ARHGAP22: variants seen among roughly 807,000 people sequenced by gnomAD.
The protein encoded by ARHGAP22 is rho GTPase-activating protein 22.
ARHGAP22 carries 48 observed loss-of-function variants against 59.1 expected under a neutral mutation model. That is an observed-to-expected ratio of 0.81 (90% CI 0.64 to 1.03). The LOEUF (loss-of-function observed/expected upper bound fraction) is 1.03, where lower values mean the gene tolerates loss of function less well. Ranked by LOEUF, ARHGAP22 falls within the 50% of genes least tolerant of loss-of-function variation. The probability of loss-of-function intolerance (pLI) is 0.00; values close to 1 mark genes in which losing one functional copy is unlikely to be tolerated. For synonymous variants in ARHGAP22, 445 were observed against 416.4 expected (o/e 1.07, Z -0.84); for missense variants, 1,015 against 958.7 (o/e 1.06, Z -0.78).
intron 2 of ARHGAP22, among the ~76,000 whole-genome samples, chr10:48,570,873 A>G (rs1409730538): frequency 2.0e-5 from 3 of 152,206 alleles, no homozygotes; most frequent in Non-Finnish European, 4.4e-5. Flanking sequence ...AACGCTCTGC[A>G]CGAAACGGCC....
intron 1 of ARHGAP22, among the ~76,000 whole-genome samples, chr10:48,631,623 A>G (rs897144624): frequency 1.2e-4 from 19 of 152,240 alleles, no homozygotes; most frequent in Non-Finnish European, 2.2e-4. Flanking sequence ...TACTTAAAAA[A>G]TAGTACAGGT....
intron 1 of ARHGAP22, among the ~76,000 whole-genome samples, chr10:48,650,146 C>CT (rs11386532): frequency 0.69 from 56,510 of 82,374 alleles, 20,494 homozygotes; most frequent in East Asian, 0.78. Flanking sequence ...GCTGGAGACT[C>CT]TTTTTTTTTT....
intron 1 of ARHGAP22, among the ~76,000 whole-genome samples, chr10:48,641,102 A>G (rs1437299318): frequency 6.6e-6 from 1 of 152,176 alleles, no homozygotes; most frequent in East Asian, 1.9e-4. Flanking sequence ...CAACACAAAA[A>G]ATACAGTAAA....
intron 2 of ARHGAP22, among the ~76,000 whole-genome samples, chr10:48,567,594 A>C (rs986394785): frequency 3.3e-5 from 5 of 152,210 alleles, no homozygotes; most frequent in Admixed American, 2.0e-4. Flanking sequence ...TAGTGTCATC[A>C]AATCTCCATG....
chr10:48,466,917 A>C (rs946931092), intron 4 of ARHGAP22, among the ~76,000 whole-genome samples: 3 of 152,170 alleles, frequency 2.0e-5, no homozygotes, highest in Admixed American at 2.0e-4. Context: ...CACCGCAGGA[A>C]TCCCTTCCCT....
At chr10:48,574,178 G>T (rs1384654174) in intron 2 of ARHGAP22, among the ~76,000 whole-genome samples, 5 of 152,158 alleles carry the variant, frequency 3.3e-5, no homozygotes, top group African/African-American at 1.2e-4. Flanking sequence ...TTCCATTGAG[G>T]ATCTAATACA....
chr10:48,456,273 G>A (rs2046495158), intron 5 of ARHGAP22, among the ~76,000 whole-genome samples: 1 of 152,200 alleles, frequency 6.6e-6, no homozygotes, highest in African/African-American at 2.4e-5. Context: ...TAGGCTCACT[G>A]AGATAAATAC....
At chr10:48,497,174 G>A (rs2051027787) in intron 3 of ARHGAP22, among the ~76,000 whole-genome samples, 1 of 152,136 alleles carries the variant, frequency 6.6e-6, no homozygotes, top group Non-Finnish European at 1.5e-5. Flanking sequence ...ACAGGGCTAG[G>A]GTCTCCCATG....
At chr10:48,622,351 T>C (rs950793016) in intron 1 of ARHGAP22, among the ~76,000 whole-genome samples, 1 of 152,232 alleles carries the variant, frequency 6.6e-6, no homozygotes, top group Non-Finnish European at 1.5e-5. Context: ...TTCTTTTGTT[T>C]GGTTGGGTTT....
intron 3 of ARHGAP22, among the ~76,000 whole-genome samples, chr10:48,482,137 C>T (rs143518891): frequency 3.9e-5 from 6 of 152,088 alleles, no homozygotes; most frequent in East Asian, 1.9e-4. Context: ...TCATTTTTTT[C>T]GTTTATTGAG....
At chr10:48,452,558 G>A (rs1461935260) in intron 8 of ARHGAP22, among the ~76,000 whole-genome samples, 1 of 152,234 alleles carries the variant, frequency 6.6e-6, no homozygotes, top group Non-Finnish European at 1.5e-5. Flanking sequence ...TGGGATAAGG[G>A]CAAGAACAGC....
At chr10:48,555,619 C>T (rs924879949) in intron 2 of ARHGAP22, 69 bp from the exon 3 acceptor site, 2 of 1,522,122 alleles carry the variant, frequency 1.3e-6, no homozygotes, top group African/African-American at 2.7e-5. Flanking sequence ...TCGTCAGGGT[C>T]CCTGGAGAGG....
At chr10:48,651,881 G>A (rs2062579795) in intron 1 of ARHGAP22, among the ~76,000 whole-genome samples, 1 of 152,034 alleles carries the variant, frequency 6.6e-6, no homozygotes, top group African/African-American at 2.4e-5. Flanking sequence ...ATGCAGAGTA[G>A]CCTTCAGCTG....
At chr10:48,471,876 C>T (rs753130833) in intron 4 of ARHGAP22, among the ~76,000 whole-genome samples, 8 of 152,184 alleles carry the variant, frequency 5.3e-5, no homozygotes, top group African/African-American at 1.2e-4. Flanking sequence ...AGACATTTCT[C>T]GGCTCAAAGC....
chr10:48,430,914 A>C, the ARHGAP22 span: 2 of 434,300 alleles, frequency 4.6e-6, no homozygotes, highest in East Asian at 1.0e-4. Context: ...TGGTAGAGTG[A>C]AAAAGAAAGC....
intron 1 of ARHGAP22, among the ~76,000 whole-genome samples, chr10:48,596,472 T>G (rs2060074107): frequency 2.7e-5 from 4 of 150,918 alleles, no homozygotes; most frequent in South Asian, 2.1e-4. Context: ...CGGGGTGAGG[T>G]GAGGAGGGAT....
intron 3 of ARHGAP22, among the ~76,000 whole-genome samples, chr10:48,525,638 T>C (rs2054257142): frequency 6.6e-6 from 1 of 152,308 alleles, no homozygotes; most frequent in South Asian, 2.1e-4. Flanking sequence ...GTATATGATA[T>C]AAAAGGAGAG....
intron 2 of ARHGAP22, among the ~76,000 whole-genome samples, chr10:48,558,748 G>A (rs1047808743): frequency 2.6e-5 from 4 of 152,130 alleles, no homozygotes; most frequent in African/African-American, 4.8e-5. Flanking sequence ...ATAGGTCTGG[G>A]GAAAGTAGGA....
upstream of ARHGAP22, chr10:48,656,265 T>TGGGGGGGGGGGGGG: frequency 9.8e-6 from 1 of 101,638 alleles, no homozygotes; most frequent in East Asian, 3.0e-4. Flanking sequence ...TCGGCGCCTC[T>TGGGGGGGGGGGGGG]GGGGGGGGGG....
Sources: gnomAD v4.1 joint callset for allele counts (sites outside exome capture counted in the v4.1 genomes callset) on GRCh38, gnomAD v4.1.1 for gene constraint, MANE v1.5 for transcripts, NCBI Gene and HGNC (gene_info 2026-07-23, HGNC 2026-07-21) for gene names.